STAT5A: variants seen among roughly 807,000 people sequenced by gnomAD.
STAT5A encodes the protein epididymis secretory sperm binding protein.
A neutral mutation model predicts 100.2 loss-of-function variants in STAT5A; 26 were observed. That is an observed-to-expected ratio of 0.26 (90% CI 0.19 to 0.36). The LOEUF is 0.36. STAT5A is among the 10% of genes least tolerant of loss of function. STAT5A has a pLI of 1.00. For missense variants in STAT5A, 634 were observed against 1,027.5 expected (o/e 0.62, Z 5.24); for synonymous variants, 330 against 424.3 (o/e 0.78, Z 2.73).
intron 12 of STAT5A, 126 bp downstream of exon 12, chr17:42,305,828 G>T: frequency 1.0e-6 from 1 of 992,126 alleles, no homozygotes. Flanking sequence ...GAGGTGAGGT[G>T]AGGCCAGAAG....
intron 2 of STAT5A, 134 bp from the exon 3 acceptor site, chr17:42,289,732 C>T: frequency 7.2e-7 from 1 of 1,388,332 alleles, no homozygotes; most frequent in Non-Finnish European, 9.5e-7. Context: ...GTCTGTGGAG[C>T]TGCTGGGAAC....
chr17:42,295,946 C>T (rs771698100), intron 5 of STAT5A, among the ~76,000 whole-genome samples, 153 bp downstream of exon 5: 11 of 152,048 alleles, frequency 7.2e-5, no homozygotes, highest in South Asian at 6.2e-4. Flanking sequence ...GAGCCCCTGC[C>T]GTGGGTCACA....
chr17:42,306,286 C>T lies in STAT5A; in HGVS notation c.1519C>T (p.Leu507=). ...GCCTGACAAAGTGCTGTGGCCGCAG[C>T]TGTGTGAGGCGCTCAACATGAAATT... ...AVPDKVLWPQ[L]CEALNMKFKA... is the part of the protein sequence containing the mutation. The change falls in exon 13 of 19, where the codon CTG becomes TTG. Residue 507 remains leucine, a synonymous_variant. Coordinates refer to ENST00000590949, the MANE Select transcript of STAT5A (RefSeq NM_001288718.2). 1 of 1,614,082 alleles carries T rather than the reference C, an allele frequency of 6.2e-7. No individual in the cohort carries two copies. Among genetic ancestry groups the T allele is most frequent in the Non-Finnish European group, 8.5e-7 (1 of 1,179,938 alleles).
chr17:42,303,252 A>G (rs2080998328), intron 9 of STAT5A, among the ~76,000 whole-genome samples: 1 of 152,044 alleles, frequency 6.6e-6, no homozygotes, highest in Admixed American at 6.5e-5. Context: ...GTTTCAAAAA[A>G]AAAAGTTTAC....
chr17:42,294,858 G>C (rs955663340), intron 4 of STAT5A, among the ~76,000 whole-genome samples: 2 of 151,914 alleles, frequency 1.3e-5, no homozygotes, highest in Non-Finnish European at 2.9e-5. Flanking sequence ...CTTCATCCAT[G>C]TGCTCCCTCC....
chr17:42,300,094 G>T (rs1261729846), intron 6 of STAT5A, 36 bp from the exon 7 acceptor site: 2 of 1,264,346 alleles, frequency 1.6e-6, no homozygotes, highest in Non-Finnish European at 2.1e-6. Context: ...TGTTCTCTGG[G>T]AGCCCAGAAG....
At chr17:42,289,232 C>A in intron 1 of STAT5A, 170 bp from the exon 2 acceptor site, 1 of 645,544 alleles carries the variant, frequency 1.5e-6, no homozygotes, top group Non-Finnish European at 2.4e-6. Context: ...AGGGGATGGG[C>A]GGCCCTCCAC....
chr17:42,292,772 G>A (rs2080883206), intron 4 of STAT5A, among the ~76,000 whole-genome samples: 1 of 151,906 alleles, frequency 6.6e-6, no homozygotes, highest in African/African-American at 2.4e-5. Flanking sequence ...GATTACAGGT[G>A]CCCACCACCA....
Position 42,304,855 on chromosome 17 carries a change from G to A in STAT5A, c.1380+203G>A. On this transcript the variant is annotated intron_variant, in intron 11 of 18. Coordinates refer to ENST00000590949, the MANE Select transcript of STAT5A (RefSeq NM_001288718.2). The surrounding 1 kb of genome is among the most constrained non-coding windows in gnomAD (Gnocchi z 4.8). Reference sequence around the variant, plus strand: ...AGTCGGTTGTAGTTTTTGTTTGTTTGCTTGTGCCTACATTTTGCTGGGAGG... The same window carrying A: ...AGTCGGTTGTAGTTTTTGTTTGTTTACTTGTGCCTACATTTTGCTGGGAGG... Among the ~76,000 whole-genome samples the A allele has an allele frequency of 6.6e-6, 1 of 152,190 alleles. No homozygotes were observed.
At chr17:42,309,991 T>C (rs1049557955) in intron 18 of STAT5A, among the ~76,000 whole-genome samples, 13 of 152,218 alleles carry the variant, frequency 8.5e-5, no homozygotes, top group Non-Finnish European at 1.6e-4. Flanking sequence ...CAATCCGGAC[T>C]CCACCACCTC....
upstream of STAT5A, chr17:42,288,278 CG>C (rs1049823987): frequency 1.3e-5 from 2 of 152,096 alleles, no homozygotes; most frequent in African/African-American, 4.8e-5. The surrounding 1 kb of genome is among the most constrained non-coding windows in gnomAD (Gnocchi z 4.8). Context: ...CTGGGACTCC[CG>C]GGGGACCCCG....
intron 17 of STAT5A, 135 bp downstream of exon 17, chr17:42,309,233 CT>C: frequency 6.5e-7 from 1 of 1,548,326 alleles, no homozygotes; most frequent in Non-Finnish European, 8.9e-7. Flanking sequence ...GGAGTCCCCT[CT>C]CCTGTAGCTG....
At chr17:42,306,940 G>A (rs1056069913) in intron 13 of STAT5A, among the ~76,000 whole-genome samples, 9 of 151,988 alleles carry the variant, frequency 5.9e-5, no homozygotes, top group Non-Finnish European at 1.0e-4. Flanking sequence ...GGCTGGTCTC[G>A]AACTCCTGAC....
chr17:42,308,866 T>G lies in STAT5A; in HGVS notation c.2063-181T>G. 1.4e-6 allele frequency: 1 copy of G among 704,944 alleles called. No individual in the cohort carries two copies. The highest frequency in any genetic ancestry group is 2.4e-6 in the Non-Finnish European group (1 of 412,346). The allele number at this position is 704,944 out of a possible 1,614,324, so 43.7% of individuals were successfully genotyped here. A position where few individuals can be genotyped will look rare whatever the true frequency, so the allele number is the denominator to read the frequency against. ...GAAGGAATGGGATTCAAGCCAGGGG[T>G]CTCAGTGACCCTCAGGCAGGATTCA... On this transcript the variant is annotated intron_variant, in intron 16 of 18. Coordinates refer to ENST00000590949, the MANE Select transcript of STAT5A (RefSeq NM_001288718.2). This position sits in a 1 kb window ranked among gnomAD's most constrained non-coding sequence, Gnocchi z 4.6.
chr17:42,307,535 G>A lies in STAT5A; in HGVS notation c.1775+39G>A, dbSNP rs376919887. On this transcript the variant is annotated intron_variant, in intron 14 of 18. Coordinates refer to ENST00000590949, the MANE Select transcript of STAT5A (RefSeq NM_001288718.2). Reference sequence around the variant, plus strand: ...GCTGCAGGGTCAGGGGCCAGCTGTGGGCGCAGAGAGACTGTGGCTGTGGCC... The same window carrying A: ...GCTGCAGGGTCAGGGGCCAGCTGTGAGCGCAGAGAGACTGTGGCTGTGGCC... The A allele has an allele frequency of 3.1e-6, 5 of 1,613,980 alleles. No individual in the cohort carries two copies. The East Asian group carries it at 1.1e-4, about 36-fold the overall frequency.
rs2081047051 is a variant in STAT5A, at chr17:42,308,094, C to T, written c.1907-84C>T. 1 of 1,555,802 alleles carries T rather than the reference C, an allele frequency of 6.4e-7. No individual in the cohort carries two copies. Among genetic ancestry groups the T allele is most frequent in the South Asian group, 1.2e-5 (1 of 82,126 alleles). ...AGCTACTATATAAAAGCCCAGATTT[C>T]TCTTGCAAGCCTGCCCTAAAGCCCC... On this transcript the variant is annotated intron_variant, in intron 15 of 18. Coordinates refer to ENST00000590949, the MANE Select transcript of STAT5A (RefSeq NM_001288718.2). The surrounding 1 kb of genome is among the most constrained non-coding windows in gnomAD (Gnocchi z 4.6).
At position 42,301,276 on chromosome 17, in the gene STAT5A, A is replaced by C. The variant is rs757694677; in HGVS notation, c.991A>C (p.Thr331Pro). The stretch of plus-strand genomic sequence containing the variant: ...TGTCTGTCCCTGTGTCCCATGCAGC[A>C]CATTCATCATTGAGAAGCAGCCTCC... ...TDIISALVTS[T>P]FIIEKQPPQV... Residue 331 changes from threonine to proline, a missense_variant and splice_region_variant, in exon 9 of 19, where the codon ACA (threonine) becomes CCA (proline). Thr to Pro is a conservative substitution (Grantham distance 38). Around this residue, in one of 5 missense-constraint regions of STAT5A, gnomAD observed 98 missense variants for 149.7 expected, o/e 0.65. Coordinates refer to ENST00000590949, the MANE Select transcript of STAT5A (RefSeq NM_001288718.2). 2 of 1,613,330 alleles carry C rather than the reference A, an allele frequency of 1.2e-6. No individual in the cohort carries two copies. Among genetic ancestry groups the C allele is most frequent in the African/African-American group, 2.7e-5 (2 of 74,690 alleles).
At chr17:42,287,449 G>T (rs929730232), upstream of STAT5A, 9 of 152,300 alleles carry the variant, frequency 5.9e-5, no homozygotes, top group African/African-American at 1.9e-4. Flanking sequence ...AGAGGAGAGG[G>T]AAGCTGGGCA....
intron 5 of STAT5A, among the ~76,000 whole-genome samples, chr17:42,298,440 C>T (rs923505145): frequency 2.0e-5 from 3 of 150,834 alleles, no homozygotes; most frequent in Admixed American, 6.6e-5. Flanking sequence ...GGATTACAGG[C>T]GTAAGCCACC....
Sources: gnomAD v4.1 joint callset for allele counts (sites outside exome capture counted in the v4.1 genomes callset) on GRCh38, gnomAD v4.1.1 for gene constraint, gnomAD v4.1.1 regional missense constraint, Gnocchi (gnomAD v3.1) non-coding constraint, MANE v1.5 for transcripts, NCBI Gene and HGNC (gene_info 2026-07-23, HGNC 2026-07-21) for gene names.